Variants in EYA1 observed in about 807,000 individuals in gnomAD.
EYA1 encodes the protein protein phosphatase EYA1.
EYA1 carries 16 observed loss-of-function variants against 82.0 expected under a neutral mutation model. The ratio of observed to expected loss-of-function variants is 0.20; its 90% CI spans 0.13 to 0.30. The LOEUF is 0.30. EYA1 is among the 10% of genes least tolerant of loss of function. The pLI is 1.00. For synonymous variants in EYA1, 261 were observed against 264.4 expected (o/e 0.99, Z 0.12); for missense variants, 633 against 730.7 (o/e 0.87, Z 1.54).
upstream of EYA1, chr8:71,362,132 T>G (rs1827449180): frequency 1.2e-6 from 1 of 836,210 alleles, no homozygotes; most frequent in South Asian, 5.7e-5. Context: ...CTTGTAGGTC[T>G]GCCCATGGAG....
At chr8:71,417,974 A>G (rs1830945708) in intron 2 of EYA1, among the ~76,000 whole-genome samples, 2 of 152,250 alleles carry the variant, frequency 1.3e-5, no homozygotes, top group Non-Finnish European at 2.9e-5. Flanking sequence ...TTGCTCATAA[A>G]ATCCTGTCAC....
At chr8:71,376,610 G>T (rs1011741281) in intron 2 of EYA1, among the ~76,000 whole-genome samples, 2 of 152,106 alleles carry the variant, frequency 1.3e-5, no homozygotes, top group African/African-American at 4.8e-5. Flanking sequence ...TATGTGGTCA[G>T]ATTTAGGGTA....
At chr8:71,510,132 A>G (rs1260111863) in intron 2 of EYA1, among the ~76,000 whole-genome samples, 1 of 152,128 alleles carries the variant, frequency 6.6e-6, no homozygotes, top group African/African-American at 2.4e-5. Context: ...TTTAGCAAAC[A>G]TGATACTAGC....
At chr8:71,402,429 G>T (rs1830007468) in intron 2 of EYA1, among the ~76,000 whole-genome samples, 1 of 152,000 alleles carries the variant, frequency 6.6e-6, no homozygotes, top group African/African-American at 2.4e-5. Flanking sequence ...GCTTTGTAAA[G>T]AAAACAATAA....
rs562091510 is a variant in EYA1, at chr8:71,329,535, C to G, written c.202+4562G>C. 7.2e-5 allele frequency among the ~76,000 whole-genome samples: 11 copies of G among 152,294 alleles called. No homozygotes were observed. In the South Asian group the frequency reaches 2.1e-3, roughly 29 times the overall value. ...TCTGTTTCTAGGCAGCCTCAGACTT[C>G]CCCAGCATCCACTACATCAATTTCA... is the stretch of plus-strand genomic sequence containing the variant. On this transcript the variant is annotated intron_variant, in intron 4 of 17. Coordinates refer to ENST00000340726, the MANE Select transcript of EYA1 (RefSeq NM_000503.6).
chr8:71,343,906 T>C (rs553358991), intron 3 of EYA1, among the ~76,000 whole-genome samples: 1 of 152,178 alleles, frequency 6.6e-6, no homozygotes, highest in Non-Finnish European at 1.5e-5. Context: ...TGCTATAAAA[T>C]TTATCATACA....
intron 11 of EYA1, among the ~76,000 whole-genome samples, chr8:71,255,614 T>TA (rs998338826): frequency 1.1e-4 from 16 of 152,118 alleles, no homozygotes; most frequent in African/African-American, 3.9e-4. Context: ...ATCAAAAACC[T>TA]AAATGAAAGA....
At chr8:71,397,841 G>C (rs1195936187) in intron 2 of EYA1, among the ~76,000 whole-genome samples, 3 of 152,254 alleles carry the variant, frequency 2.0e-5, no homozygotes, top group Non-Finnish European at 4.4e-5. Flanking sequence ...GGCCTGCCTT[G>C]CCACGTTGTG....
chr8:71,244,613 T>C lies in EYA1; in HGVS notation c.1130A>G (p.Asn377Ser). Reference protein sequence around the residue: ...FNLADTHLFFNDLEECDQVHI... With the variant: ...FNLADTHLFFSDLEECDQVHI... ...AAAATTAGAACTTACTTCTAAGTCA[T>C]TAAAAAATAAATGTGTGTCTGCCAA... Residue 377 changes from asparagine (N) to serine (S), a missense_variant, in exon 12 of 18, where the codon AAT becomes AGT. By Grantham distance (46) the Asn-to-Ser change is conservative. Transcript: ENST00000340726. 1 of 1,588,570 alleles carries C rather than the reference T, an allele frequency of 6.3e-7. No homozygotes were observed. Among genetic ancestry groups the C allele is most frequent in the Non-Finnish European group, 8.6e-7 (1 of 1,158,628 alleles).
At chr8:71,200,909 A>T (rs961892721) in intron 17 of EYA1, among the ~76,000 whole-genome samples, 9 of 150,958 alleles carry the variant, frequency 6.0e-5, no homozygotes, top group African/African-American at 2.2e-4. Context: ...GGTTATGTGC[A>T]TTGCAGGACA....
At chr8:71,216,645 T>A in intron 14 of EYA1, 47 bp downstream of exon 14, 1 of 1,593,982 alleles carries the variant, frequency 6.3e-7, no homozygotes, top group Non-Finnish European at 8.6e-7. Flanking sequence ...TTTGGAATTG[T>A]ATCTGGACTG....
intron 2 of EYA1, among the ~76,000 whole-genome samples, chr8:71,441,375 A>C (rs1399178868): frequency 6.6e-6 from 1 of 152,064 alleles, no homozygotes; most frequent in Non-Finnish European, 1.5e-5. Flanking sequence ...ACACCACTGC[A>C]CTCCAGCCTG....
intron 3 of EYA1, among the ~76,000 whole-genome samples, chr8:71,351,752 T>C (rs1018518595): frequency 1.3e-5 from 2 of 152,196 alleles, no homozygotes; most frequent in Non-Finnish European, 2.9e-5. Context: ...AACTTAATAT[T>C]CTCTGCCTCT....
intron 7 of EYA1, among the ~76,000 whole-genome samples, chr8:71,307,752 C>T (rs1820883067): frequency 6.6e-6 from 1 of 152,160 alleles, no homozygotes; most frequent in Non-Finnish European, 1.5e-5. Context: ...ACAAGAACTT[C>T]GCATCCACAT....
chr8:71,208,148 A>C (rs929177180), intron 17 of EYA1, among the ~76,000 whole-genome samples: 1 of 152,078 alleles, frequency 6.6e-6, no homozygotes, highest in Non-Finnish European at 1.5e-5. Context: ...ATTAACTAAA[A>C]CTGGCCGGGC....
intron 11 of EYA1, among the ~76,000 whole-genome samples, chr8:71,253,644 C>A (rs898185351): frequency 2.6e-5 from 4 of 152,098 alleles, no homozygotes; most frequent in Non-Finnish European, 5.9e-5. Context: ...TTAAAGTTAG[C>A]CACCAAGCAT....
chr8:71,362,732 G>A (rs1383322795), upstream of EYA1, among the ~76,000 whole-genome samples: 2 of 152,024 alleles, frequency 1.3e-5, no homozygotes, highest in African/African-American at 2.4e-5. Context: ...ATTTTTAAAT[G>A]GTTTTTGGAA....
intron 1 of EYA1, 66 bp downstream of exon 1, chr8:71,361,581 G>T: frequency 2.5e-6 from 2 of 807,032 alleles, no homozygotes; most frequent in Non-Finnish European, 3.0e-6. Context: ...CTGTTAGCTT[G>T]GGCTTTGCCC....
At chr8:71,472,788 G>GATAT (rs71264559) in intron 2 of EYA1, among the ~76,000 whole-genome samples, 23,591 of 126,480 alleles carry the variant, frequency 0.19, 2,452 homozygotes, top group Non-Finnish European at 0.23. Flanking sequence ...TAGCTTTGAA[G>GATAT]ATATATATAT....
Sources: gnomAD v4.1 joint callset for allele counts (sites outside exome capture counted in the v4.1 genomes callset) on GRCh38, gnomAD v4.1.1 for gene constraint, MANE v1.5 for transcripts, NCBI Gene and HGNC (gene_info 2026-07-23, HGNC 2026-07-21) for gene names.